CEP78: variants seen among roughly 807,000 people sequenced by gnomAD.
The protein encoded by CEP78 is centrosomal protein 78.
Under a neutral mutation model 81.2 loss-of-function variants are expected in CEP78, and 76 were observed. The observed-to-expected ratio is 0.94, with a 90% CI of 0.78 to 1.13. The LOEUF (loss-of-function observed/expected upper bound fraction) is 1.13. Among genes scored for constraint, CEP78 ranks in the 50% most tolerant of loss-of-function variants. The probability of loss-of-function intolerance (pLI) is 0.00; values close to 1 mark genes in which losing one functional copy is unlikely to be tolerated. For missense variants in CEP78, 918 were observed against 846.8 expected (o/e 1.08, Z -1.04); for synonymous variants, 293 against 301.4 (o/e 0.97, Z 0.29).
Position 78,277,258 on chromosome 9 carries a change from A to G in CEP78, c.*6407A>G, listed in dbSNP as rs1827823718. ...TAAGAAAGGCATTCCCAACCAAGAC[A>G]CAAAACCCAGTAGCCATGAAAAAAA... On this transcript the variant is annotated 3_prime_UTR_variant, in exon 17 of 17. Transcript: ENST00000643273. 1 of 152,174 alleles carries G rather than the reference A, an allele frequency of 6.6e-6. No homozygotes were observed. Among genetic ancestry groups the G allele is most frequent in the Admixed American group, 6.5e-5 (1 of 15,274 alleles). 9.4% of individuals were successfully genotyped at this position (152,174 alleles called of 1,614,324 possible).
At position 78,248,311 on chromosome 9, in the gene CEP78, G is replaced by A. The variant is rs1276992383; in HGVS notation, c.913G>A (p.Val305Ile). ...TTTAGATCATTCTATGATGAAAGCA[G>A]TTATCAAAAAAGTCCTCCAGAATGG... ...PLIDHSMMKA[V>I]IKKVLQNGRS... The change falls in exon 7 of 17, where the codon GTT (valine) becomes ATT (isoleucine). Residue 305 changes from valine (V) to isoleucine (I), a missense_variant. Val to Ile is a conservative substitution (Grantham distance 29). Coordinates refer to ENST00000643273, the MANE Select transcript of CEP78 (RefSeq NM_001330691.3). The A allele has an allele frequency of 1.9e-6, 3 of 1,571,104 alleles. No individual in the cohort carries two copies. The highest frequency in any genetic ancestry group is 2.6e-6 in the Non-Finnish European group (3 of 1,141,094).
Position 78,274,912 on chromosome 9 carries a change from T to C in CEP78, c.*4061T>C, listed in dbSNP as rs1034546781. 9.2e-5 allele frequency: 14 copies of C among 152,146 alleles called. No homozygotes were observed. The highest frequency in any genetic ancestry group is 5.2e-4 in the Admixed American group (8 of 15,266). 9.4% of individuals were successfully genotyped at this position (152,146 alleles called of 1,614,324 possible). A position where few individuals can be genotyped will look rare whatever the true frequency, so the allele number is the denominator to read the frequency against. Reference sequence around the variant, plus strand: ...AAGACAAAAGAGATGAATTAAACATTTAAAGCTAAGAAAGAGATAAACCAA... The same window carrying C: ...AAGACAAAAGAGATGAATTAAACATCTAAAGCTAAGAAAGAGATAAACCAA... On this transcript the variant is annotated 3_prime_UTR_variant, in exon 17 of 17. Coordinates refer to ENST00000643273, the MANE Select transcript of CEP78 (RefSeq NM_001330691.3).
At chr9:78,266,020 G>A (rs1351246825) in intron 15 of CEP78, 114 bp downstream of exon 15, 2 of 639,392 alleles carry the variant, frequency 3.1e-6, no homozygotes, top group East Asian at 5.5e-5. Flanking sequence ...GTCTGCCACA[G>A]GAGTCCCCTG....
chr9:78,266,599 T>A lies in CEP78; in HGVS notation c.2003T>A (p.Met668Lys). The A allele has an allele frequency of 6.2e-7, 1 of 1,613,666 alleles. No individual in the cohort carries two copies. The highest frequency in any genetic ancestry group is 1.1e-5 in the South Asian group (1 of 91,032). Residue 668 changes from methionine to lysine, a missense_variant, in exon 16 of 17, where the codon ATG (methionine) becomes AAG (lysine). Met to Lys is a moderately conservative substitution (Grantham distance 95). Coordinates refer to ENST00000643273, the MANE Select transcript of CEP78 (RefSeq NM_001330691.3). ...QESFEGFIAR[M>K]CSPSPDATSG... ...TCTTTTGAAGGATTCATTGCTAGAA[T>A]GTGTTCTCCTTCACCAGATGCGACT...
chr9:78,266,300 G>A, intron 15 of CEP78, 142 bp from the exon 16 acceptor site: 2 of 619,470 alleles, frequency 3.2e-6, no homozygotes, highest in South Asian at 2.2e-5. Flanking sequence ...AGTTAAGTTG[G>A]CAATCACTTG....
Position 78,279,005 on chromosome 9 carries a change from G to A in CEP78, c.*8154G>A, listed in dbSNP as rs928085298. The A allele has an allele frequency of 2.7e-5, 4 of 149,924 alleles. No homozygotes were observed. The highest frequency in any genetic ancestry group is 4.4e-5 in the Non-Finnish European group (3 of 67,948). The allele number at this position is 149,924 out of a possible 1,614,324, so 9.3% of individuals were successfully genotyped here. A position where few individuals can be genotyped will look rare whatever the true frequency, so the allele number is the denominator to read the frequency against. On this transcript the variant is annotated 3_prime_UTR_variant, in exon 17 of 17. Transcript: ENST00000643273. ...ACATAGTGAGTGATAGGGGCTGAAAGGGCTCAGAGAATGCCCGAGTTCTCT... is the reference window on the plus strand; with the variant it reads ...ACATAGTGAGTGATAGGGGCTGAAAAGGCTCAGAGAATGCCCGAGTTCTCT...
intron 9 of CEP78, 24 bp from the exon 10 acceptor site, chr9:78,253,208 C>T (rs369048675): frequency 1.4e-4 from 147 of 1,065,504 alleles, no homozygotes; most frequent in Non-Finnish European, 1.9e-4. Flanking sequence ...CAAAATATAA[C>T]TTAATTTATC....
In CEP78 at chr9:78,236,361, C is replaced by A; in HGVS notation, c.11C>A (p.Ser4Tyr). 6.3e-7 allele frequency: 1 copy of A among 1,578,610 alleles called. No individual in the cohort carries two copies. Among genetic ancestry groups the A allele is most frequent in the East Asian group, 2.3e-5 (1 of 43,092 alleles). ...GGCCGCCCTCGGGCCATGATCGACT[C>A]CGTGAAGCTGCGCCGCGACAGCGCG... MID[S>Y]VKLRRDSAAD... The change falls in exon 1 of 17, where the codon TCC becomes TAC. Residue 4 changes from serine (S) to tyrosine (Y), a missense_variant. By Grantham distance (144) the Ser-to-Tyr change is moderately radical (BLOSUM62 -2). Transcript: ENST00000643273.
intron 16 of CEP78, among the ~76,000 whole-genome samples, chr9:78,269,422 C>T (rs1218120443): frequency 6.6e-6 from 1 of 152,146 alleles, no homozygotes; most frequent in East Asian, 1.9e-4. Context: ...CATATGAAGA[C>T]ATGGAAATAA....
In CEP78 at chr9:78,241,699, T is replaced by C. The variant is rs1826237134; in HGVS notation, c.503T>C (p.Ile168Thr). ...CPIGDGGLEI[I>T]CQGIKSSITL... The stretch of plus-strand genomic sequence containing the variant: ...GTGGTTTTTTTTTCCATTTTAGTTA[T>C]TTGTCAAGGTATAAAGAGCTCTATC... The change falls in exon 4 of 17, where the codon ATT (isoleucine) becomes ACT (threonine). Residue 168 changes from isoleucine to threonine, a missense_variant. Transcript: ENST00000643273. 2 of 1,524,546 alleles carry C rather than the reference T, an allele frequency of 1.3e-6. No homozygotes were observed. Among genetic ancestry groups the C allele is most frequent in the Middle Eastern group, 1.7e-4 (1 of 5,814 alleles). The allele number at this position is 1,524,546 out of a possible 1,614,324, so 94.4% of individuals were successfully genotyped here. A position where few individuals can be genotyped will look rare whatever the true frequency, so the allele number is the denominator to read the frequency against.
chr9:78,236,637 G>T, intron 1 of CEP78, 34 bp downstream of exon 1: 3 of 1,513,938 alleles, frequency 2.0e-6, no homozygotes, highest in African/African-American at 1.4e-5. Context: ...CCCCTCAGTC[G>T]GTGCGGCGAA....
Position 78,264,280 on chromosome 9 carries a change from A to C in CEP78, c.1589A>C (p.Lys530Thr). 6.2e-7 allele frequency: 1 copy of C among 1,613,148 alleles called. No individual in the cohort carries two copies. Among genetic ancestry groups the C allele is most frequent in the Non-Finnish European group, 8.5e-7 (1 of 1,179,466 alleles). ...VLGSIENSFQ[K>T]FHAFLDLLKD... ...GGCAGCATTGAGAATTCTTTTCAGA[A>C]GTTTCATGCTTTCTTGGATCTCCTT... Residue 530 changes from lysine to threonine, a missense_variant, in exon 13 of 17, where the codon AAG becomes ACG. Lys to Thr is a moderately conservative substitution (Grantham distance 78). Coordinates refer to ENST00000643273, the MANE Select transcript of CEP78 (RefSeq NM_001330691.3).
Position 78,236,375 on chromosome 9 carries a change from C to T in CEP78, c.25C>T (p.Arg9Cys). The change falls in exon 1 of 17, where the codon CGC becomes TGC. Residue 9 changes from arginine to cysteine, a missense_variant. Arg to Cys is a radical substitution (Grantham distance 180). Transcript: ENST00000643273. MIDSVKLR[R>C]DSAADFFSHY... ...CATGATCGACTCCGTGAAGCTGCGC[C>T]GCGACAGCGCGGCGGACTTCTTCTC... The T allele has an allele frequency of 1.9e-6, 3 of 1,586,316 alleles. No individual in the cohort carries two copies. Among genetic ancestry groups the T allele is most frequent in the Non-Finnish European group, 2.6e-6 (3 of 1,169,042 alleles).
chr9:78,254,307 G>A (rs902134530), intron 10 of CEP78, among the ~76,000 whole-genome samples: 1 of 152,010 alleles, frequency 6.6e-6, no homozygotes, highest in African/African-American at 2.4e-5. Context: ...ACCTTAAGCA[G>A]TACTCCTGCC....
chr9:78,250,098 A>G (rs1418046689), intron 8 of CEP78: 1 of 390,788 alleles, frequency 2.6e-6, no homozygotes, highest in Non-Finnish European at 4.5e-6. Flanking sequence ...AGTGGTATAT[A>G]ATTGGACATC....
At position 78,246,677 on chromosome 9, in the gene CEP78, C is replaced by G. The variant is rs1232295683; in HGVS notation, c.787C>G (p.Leu263Val). The G allele has an allele frequency of 1.3e-6, 2 of 1,597,460 alleles. No individual in the cohort carries two copies. Among genetic ancestry groups the G allele is most frequent in the Non-Finnish European group, 1.7e-6 (2 of 1,172,806 alleles). ...SEDLWLRALD[L>V]QQCGLTNEGA... ...TTGTCTTTCATCGAAAGCTCTTGAC[C>G]TGCAACAGTGCGGCCTCACCAATGA... The change falls in exon 6 of 17, where the codon CTG (leucine) becomes GTG (valine). Residue 263 changes from leucine to valine, a missense_variant. By Grantham distance (32) the Leu-to-Val change is conservative. Coordinates refer to ENST00000643273, the MANE Select transcript of CEP78 (RefSeq NM_001330691.3).
chr9:78,244,694 G>C (rs887411508), intron 5 of CEP78, among the ~76,000 whole-genome samples: 3 of 152,042 alleles, frequency 2.0e-5, no homozygotes, highest in Non-Finnish European at 4.4e-5. Context: ...AAATCAGTAA[G>C]TTTACATTTA....
Position 78,278,804 on chromosome 9 carries a change from A to T in CEP78, c.*7953A>T, listed in dbSNP as rs377639313. On this transcript the variant is annotated 3_prime_UTR_variant, in exon 17 of 17. Coordinates refer to ENST00000643273, the MANE Select transcript of CEP78 (RefSeq NM_001330691.3). ...TTTAACTCTCTATAGTCTTCTGGTA[A>T]TTTTCTTTAGATTTCCCTTTTCAGA... 6.6e-6 allele frequency: 1 copy of T among 152,136 alleles called. No homozygotes were observed. The highest frequency in any genetic ancestry group is 2.4e-5 in the African/African-American group (1 of 41,418). The allele number at this position is 152,136 out of a possible 1,614,324, so 9.4% of individuals were successfully genotyped here.
chr9:78,239,492 T>A lies in CEP78; in HGVS notation c.254-531T>A, dbSNP rs190329412. Among the ~76,000 whole-genome samples, 8 of 152,308 alleles carry A rather than the reference T, an allele frequency of 5.3e-5. No individual in the cohort carries two copies. In the East Asian group the frequency reaches 1.4e-3, roughly 26 times the overall value. Reference sequence around the variant, plus strand: ...GGAGCTTTTTCTCATTTCCTTTATCTCTTTGATACTCCAACAGTGAGGCAC... The same window carrying A: ...GGAGCTTTTTCTCATTTCCTTTATCACTTTGATACTCCAACAGTGAGGCAC... On this transcript the variant is annotated intron_variant, in intron 1 of 16. Coordinates refer to ENST00000643273, the MANE Select transcript of CEP78 (RefSeq NM_001330691.3).
Sources: gnomAD v4.1 joint callset for allele counts (sites outside exome capture counted in the v4.1 genomes callset) on GRCh38, gnomAD v4.1.1 for gene constraint, MANE v1.5 for transcripts, NCBI Gene and HGNC (gene_info 2026-07-23, HGNC 2026-07-21) for gene names.